Variants in IMPG1 observed in about 807,000 individuals in gnomAD.
The protein encoded by IMPG1 is interphotoreceptor matrix proteoglycan 1, also known as interphotoreceptor matrix proteoglycan of 150 kDa.
In IMPG1, 85 loss-of-function variants were observed where a neutral mutation model predicts 92.0. The observed-to-expected ratio is 0.92, with a 90% confidence interval of 0.78 to 1.11. The LOEUF is 1.11. Among genes scored for constraint, IMPG1 ranks in the 50% least tolerant of loss-of-function variants. IMPG1 has a pLI of 0.00. For synonymous variants in IMPG1, 367 were observed against 334.1 expected, an observed-to-expected ratio of 1.10 and a Z score of -1.08; for missense variants, 1,022 against 956.0, an observed-to-expected ratio of 1.07 and a Z score of -0.91.
At chr6:75,990,588 TACACACACAC>T (rs112985372) in intron 12 of IMPG1, among the ~76,000 whole-genome samples, 501 of 145,002 alleles carry the variant, frequency 3.5e-3, no homozygotes, top group Middle Eastern at 0.014. Flanking sequence ...ACCCCACCTC[TACACACACAC>T]ACACACACAC....
At chr6:76,065,434 T>A (rs565339589) in intron 1 of IMPG1, among the ~76,000 whole-genome samples, 5 of 152,080 alleles carry the variant, frequency 3.3e-5, no homozygotes, top group Admixed American at 1.3e-4. Flanking sequence ...ATTGAAGGAA[T>A]TACAAAATGC....
At chr6:76,036,234 T>C (rs1196088358) in intron 2 of IMPG1, among the ~76,000 whole-genome samples, 2 of 152,196 alleles carry the variant, frequency 1.3e-5, no homozygotes, top group Non-Finnish European at 2.9e-5. Context: ...CAATGCACAA[T>C]ATAAATAACG....
At chr6:75,929,784 G>A (rs1049478061) in intron 15 of IMPG1, among the ~76,000 whole-genome samples, 1 of 151,784 alleles carries the variant, frequency 6.6e-6, no homozygotes, top group Non-Finnish European at 1.5e-5. Context: ...AATCCTAGCT[G>A]GACATTTAGG....
Position 75,949,738 on chromosome 6 carries a change from G to A in IMPG1, c.1824+824C>T, listed in dbSNP as rs2313756. ...ATCTACTCACCTCATTATAAATGGT[G>A]TGGGGTGGGGAGATAGCCCAGATAA... On this transcript the variant is annotated intron_variant, in intron 13 of 16. Transcript: ENST00000369950. Among the ~76,000 whole-genome samples, 56 of 151,452 alleles carry A rather than the reference G, an allele frequency of 3.7e-4. 1 individual carries two copies. Among genetic ancestry groups the A allele is most frequent in the Non-Finnish European group, 6.8e-4 (46 of 68,024 alleles).
At chr6:76,041,184 A>T (rs1306050441) in intron 2 of IMPG1, among the ~76,000 whole-genome samples, 3 of 152,182 alleles carry the variant, frequency 2.0e-5, no homozygotes, top group Non-Finnish European at 4.4e-5. Flanking sequence ...TTTGTCATCC[A>T]TAGGAAGTTA....
rs573949302 is a variant in IMPG1 at position 76,004,044 on chromosome 6, A to G, written c.1136-94T>C. On this transcript the variant is annotated intron_variant, in intron 10 of 16. Transcript: ENST00000369950. Reference sequence around the variant, plus strand: ...AGTCCAGGTTGAAATATGCGGAATAACCAATCCTTAAGGAGTAGTACAACA... The same window carrying G: ...AGTCCAGGTTGAAATATGCGGAATAGCCAATCCTTAAGGAGTAGTACAACA... 1.9e-4 allele frequency: 164 copies of G among 851,744 alleles called. No individual in the cohort carries two copies. The African/African-American group carries it at 2.5e-3, about 13-fold the overall frequency. The allele number at this position is 851,744 out of a possible 1,614,324, so 52.8% of individuals were successfully genotyped here.
intron 12 of IMPG1, among the ~76,000 whole-genome samples, chr6:75,993,485 A>AGC (rs1322832273): frequency 2.7e-5 from 4 of 148,988 alleles, no homozygotes; most frequent in African/African-American, 1.0e-4. Flanking sequence ...AGAGAGAGAG[A>AGC]AAGGGAGAGA....
At chr6:75,951,846 G>A (rs1782036932) in intron 12 of IMPG1, among the ~76,000 whole-genome samples, 1 of 152,070 alleles carries the variant, frequency 6.6e-6, no homozygotes, top group East Asian at 1.9e-4. Context: ...GGTGGCTGAG[G>A]CCCAAGAATC....
At chr6:76,049,622 C>G (rs1784003073) in intron 1 of IMPG1, among the ~76,000 whole-genome samples, 1 of 152,184 alleles carries the variant, frequency 6.6e-6, no homozygotes, top group South Asian at 2.1e-4. Flanking sequence ...AACTAAAACT[C>G]CACTGATCGC....
intron 1 of IMPG1, among the ~76,000 whole-genome samples, chr6:76,061,029 G>A (rs1245088244): frequency 6.6e-6 from 1 of 152,084 alleles, no homozygotes; most frequent in Non-Finnish European, 1.5e-5. Context: ...TAATTAGTAT[G>A]CAAATACAGC....
At position 75,947,407 on chromosome 6, in the gene IMPG1, TG is replaced by T. The variant is rs1202518346; in HGVS notation, c.1950del (p.Lys651ArgfsTer22). 1.2e-6 allele frequency: 2 copies of T among 1,613,968 alleles called. No homozygotes were observed. The highest frequency in any genetic ancestry group is 1.7e-6 in the Non-Finnish European group (2 of 1,179,912). Reference protein sequence around the residue: ...KFAKSVPYNLTKAVHGVLEDF... With the variant: ...KFAKSVPYNLXKAVHGVLEDF... Reference sequence around the variant, plus strand: ...TCCTCCAAGACCCCGTGCACAGCCTTGGTGAGGTTATACGGCACTGACTTAG... The same window carrying T: ...TCCTCCAAGACCCCGTGCACAGCCTTGTGAGGTTATACGGCACTGACTTAG... On this transcript the variant is annotated frameshift_variant, in exon 14 of 17. Transcript: ENST00000369950. LOFTEE classifies it high-confidence loss of function.
intron 1 of IMPG1, among the ~76,000 whole-genome samples, chr6:76,065,436 A>G (rs1784293170): frequency 6.6e-6 from 1 of 152,162 alleles, no homozygotes; most frequent in African/African-American, 2.4e-5. Flanking sequence ...TGAAGGAATT[A>G]CAAAATGCTG....
At chr6:76,036,614 A>G (rs1015567244) in intron 2 of IMPG1, among the ~76,000 whole-genome samples, 34 of 152,360 alleles carry the variant, frequency 2.2e-4, no homozygotes, top group African/African-American at 7.7e-4. Context: ...AGTATTTTAG[A>G]GCAATCAATA....
chr6:76,009,491 T>G (rs1783149554), intron 8 of IMPG1, among the ~76,000 whole-genome samples: 1 of 152,232 alleles, frequency 6.6e-6, no homozygotes, highest in South Asian at 2.1e-4. Context: ...AATAACATGT[T>G]TACTTTATAA....
At chr6:75,925,953 CT>C (rs1781542547) in intron 15 of IMPG1, among the ~76,000 whole-genome samples, 2 of 152,176 alleles carry the variant, frequency 1.3e-5, no homozygotes, top group Non-Finnish European at 2.9e-5. Context: ...GCGTGAGCCA[CT>C]GTGCCAGGCC....
intron 12 of IMPG1, among the ~76,000 whole-genome samples, chr6:75,953,085 T>C (rs369300699): frequency 6.6e-6 from 1 of 152,200 alleles, no homozygotes; most frequent in African/African-American, 2.4e-5. Flanking sequence ...TGATGTGATC[T>C]CTGCTCCTGC....
chr6:75,930,950 C>T lies in IMPG1; in HGVS notation c.2243+3G>A. 6.2e-7 allele frequency: 1 copy of T among 1,613,690 alleles called. No homozygotes were observed. The highest frequency in any genetic ancestry group is 8.5e-7 in the Non-Finnish European group (1 of 1,179,582). On this transcript the variant is annotated splice_donor_region_variant and intron_variant, in intron 15 of 16. Transcript: ENST00000369950. ...GTCTGTGACGTTAGCATGCTTGACCCACCTGCATGGAGCTCCCTTTCCCTG... is the reference window on the plus strand; with the variant it reads ...GTCTGTGACGTTAGCATGCTTGACCTACCTGCATGGAGCTCCCTTTCCCTG...
At chr6:76,013,002 AC>A (rs796107847) in intron 7 of IMPG1, among the ~76,000 whole-genome samples, 73 of 151,702 alleles carry the variant, frequency 4.8e-4, no homozygotes, top group African/African-American at 1.7e-3. Flanking sequence ...TTTTGTTTTC[AC>A]CATGTTCTCA....
At chr6:75,970,097 C>T (rs1782380012) in intron 12 of IMPG1, among the ~76,000 whole-genome samples, 1 of 152,058 alleles carries the variant, frequency 6.6e-6, no homozygotes, top group Non-Finnish European at 1.5e-5. Context: ...TATTTGGCAC[C>T]TTTATGTTCT....
Sources: gnomAD v4.1 joint callset for allele counts (sites outside exome capture counted in the v4.1 genomes callset) on GRCh38, gnomAD v4.1.1 for gene constraint, MANE v1.5 for transcripts, NCBI Gene and HGNC (gene_info 2026-07-23, HGNC 2026-07-21) for gene names.